Variants in CADM2 observed in about 807,000 individuals in gnomAD.
CADM2 encodes cell adhesion molecule 2, also known as immunoglobulin superfamily member 4D.
CADM2 carries 12 observed loss-of-function variants against 49.8 expected under a neutral mutation model. That is an observed-to-expected ratio of 0.24 (90% confidence interval 0.15 to 0.39). The LOEUF (loss-of-function observed/expected upper bound fraction) is 0.39. Among genes scored for constraint, CADM2 ranks in the 10% least tolerant of loss-of-function variants. CADM2 has a pLI of 1.00. For missense variants in CADM2, 378 were observed against 492.3 expected (o/e 0.77, Z 2.20); for synonymous variants, 214 against 175.4 (o/e 1.22, Z -1.74).
intron 1 of CADM2, among the ~76,000 whole-genome samples, chr3:85,174,746 C>T (rs370903433): frequency 7.2e-5 from 11 of 151,792 alleles, no homozygotes; most frequent in Admixed American, 2.0e-4. Context: ...AAATTTTTCC[C>T]GATCATTAAA....
At chr3:85,928,950 C>A (rs1398629518) in intron 6 of CADM2, among the ~76,000 whole-genome samples, 1 of 151,932 alleles carries the variant, frequency 6.6e-6, no homozygotes, top group Admixed American at 6.6e-5. Flanking sequence ...ATAAATACAA[C>A]GTTGAAAGGA....
intron 1 of CADM2, among the ~76,000 whole-genome samples, chr3:85,438,098 A>G (rs1193624852): frequency 6.6e-6 from 1 of 152,100 alleles, no homozygotes; most frequent in African/African-American, 2.4e-5. Context: ...ATTGGAATAC[A>G]GAAAATAGAT....
chr3:85,341,336 A>G (rs1282598872), intron 1 of CADM2, among the ~76,000 whole-genome samples: 3 of 152,066 alleles, frequency 2.0e-5, no homozygotes, highest in African/African-American at 7.2e-5. Context: ...TGATAAGTAT[A>G]AAAATTCATG....
At chr3:85,814,503 C>G (rs2073084729) in intron 3 of CADM2, among the ~76,000 whole-genome samples, 2 of 151,812 alleles carry the variant, frequency 1.3e-5, no homozygotes, top group South Asian at 4.2e-4. Context: ...TAGCAGAAGA[C>G]AAAAAAGAAC....
chr3:85,666,300 A>T (rs1433703594), intron 1 of CADM2, among the ~76,000 whole-genome samples: 1 of 151,940 alleles, frequency 6.6e-6, no homozygotes, highest in Non-Finnish European at 1.5e-5. Context: ...TTAATATCTC[A>T]CTGCGAAATT....
intron 1 of CADM2, among the ~76,000 whole-genome samples, chr3:85,665,664 G>A (rs536296743): frequency 6.6e-6 from 1 of 151,956 alleles, no homozygotes; most frequent in South Asian, 2.1e-4. Context: ...AGCATCCTTT[G>A]TCTTTCTGGT....
At chr3:85,766,829 T>C (rs1423272700) in intron 2 of CADM2, among the ~76,000 whole-genome samples, 5 of 152,162 alleles carry the variant, frequency 3.3e-5, no homozygotes, top group Non-Finnish European at 1.5e-5. Context: ...AATATGTCAT[T>C]TGAATTTCTG....
chr3:85,804,075 A>G (rs998577636), intron 3 of CADM2, among the ~76,000 whole-genome samples: 6 of 152,264 alleles, frequency 3.9e-5, no homozygotes, highest in Middle Eastern at 3.4e-3. Flanking sequence ...AGTCACTCAT[A>G]GAGATTAAAC....
intron 1 of CADM2, among the ~76,000 whole-genome samples, chr3:85,082,114 T>C (rs1412837182): frequency 6.6e-6 from 1 of 152,164 alleles, no homozygotes; most frequent in Non-Finnish European, 1.5e-5. Flanking sequence ...AATTAGTAAA[T>C]GACAAATTCA....
intron 1 of CADM2, among the ~76,000 whole-genome samples, chr3:85,452,010 G>C (rs2037769195): frequency 6.6e-6 from 1 of 152,118 alleles, no homozygotes; most frequent in Non-Finnish European, 1.5e-5. Flanking sequence ...TTAAATTAGA[G>C]AGCAATGCTT....
At chr3:85,847,689 C>T (rs2074939127) in intron 3 of CADM2, among the ~76,000 whole-genome samples, 1 of 151,966 alleles carries the variant, frequency 6.6e-6, no homozygotes, top group African/African-American at 2.4e-5. Context: ...ATTGGCCAAA[C>T]AAGGATGTGG....
chr3:85,708,953 C>T (rs1443843975), intron 1 of CADM2, among the ~76,000 whole-genome samples: 4 of 151,886 alleles, frequency 2.6e-5, no homozygotes, highest in Non-Finnish European at 4.4e-5. Flanking sequence ...AAAACCACAG[C>T]CCTCTCTCTA....
intron 1 of CADM2, among the ~76,000 whole-genome samples, chr3:85,180,366 A>G (rs558222366): frequency 1.1e-4 from 17 of 151,926 alleles, no homozygotes; most frequent in Non-Finnish European, 1.9e-4. Flanking sequence ...AAAATTAGCC[A>G]GGCTTGGTGG....
At chr3:85,784,233 A>C (rs959969786) in intron 2 of CADM2, among the ~76,000 whole-genome samples, 2 of 152,176 alleles carry the variant, frequency 1.3e-5, no homozygotes, top group African/African-American at 2.4e-5. Flanking sequence ...AATTTGAAAA[A>C]TCTGTAGCTT....
At chr3:85,787,003 A>G (rs1394325782) in intron 2 of CADM2, among the ~76,000 whole-genome samples, 3 of 152,100 alleles carry the variant, frequency 2.0e-5, no homozygotes, top group Non-Finnish European at 4.4e-5. Context: ...TCAAAGAAAT[A>G]TATATTTGAA....
At chr3:85,356,882 A>G (rs527763508) in intron 1 of CADM2, among the ~76,000 whole-genome samples, 1 of 152,212 alleles carries the variant, frequency 6.6e-6, no homozygotes, top group South Asian at 2.1e-4. Context: ...GTATTTTATG[A>G]TAAAATCTGC....
At chr3:86,012,180 A>T (rs1354751344) in intron 8 of CADM2, among the ~76,000 whole-genome samples, 1 of 152,110 alleles carries the variant, frequency 6.6e-6, no homozygotes, top group Non-Finnish European at 1.5e-5. Flanking sequence ...AGCTGCCAAA[A>T]TATTTTCTAT....
intron 1 of CADM2, among the ~76,000 whole-genome samples, chr3:85,594,979 G>A (rs1438508630): frequency 2.6e-5 from 4 of 152,010 alleles, no homozygotes; most frequent in African/African-American, 9.7e-5. Flanking sequence ...CAGCAGCCCA[G>A]CTTTCATTTA....
chr3:85,506,243 G>C (rs1277914897), intron 1 of CADM2, among the ~76,000 whole-genome samples: 1 of 152,096 alleles, frequency 6.6e-6, no homozygotes, highest in East Asian at 1.9e-4. Context: ...TTTTCACTTT[G>C]TGTTGTTTGT....
Sources: allele counts gnomAD v4.1 joint callset (sites outside exome capture counted in the v4.1 genomes callset), GRCh38; gene constraint gnomAD v4.1.1; transcripts MANE v1.5; gene names NCBI Gene and HGNC (gene_info 2026-07-23, HGNC 2026-07-21).